The following CNTNAP2 variants were observed in gnomAD, a reference collection of about 807,000 sequenced individuals.
CNTNAP2 encodes the protein contactin-associated protein-like 2.
Under a neutral mutation model 155.2 loss-of-function variants are expected in CNTNAP2, and 98 were observed. The observed-to-expected ratio is 0.63, with a 90% CI of 0.54 to 0.75. The LOEUF is 0.75. CNTNAP2 is among the 30% of genes least tolerant of loss of function. The probability of loss-of-function intolerance (pLI) is 0.00; values close to 1 mark genes in which losing one functional copy is unlikely to be tolerated. For synonymous variants in CNTNAP2, 651 were observed against 631.2 expected (o/e 1.03, Z -0.47); for missense variants, 1,727 against 1,688.1 (o/e 1.02, Z -0.40).
chr7:148,322,343 G>A (rs1027240505), intron 21 of CNTNAP2, among the ~76,000 whole-genome samples: 2 of 152,060 alleles, frequency 1.3e-5, no homozygotes, highest in Non-Finnish European at 2.9e-5. Context: ...TCACACTCTC[G>A]TACACTCTGA....
chr7:146,284,761 C>A (rs145612118), intron 1 of CNTNAP2, among the ~76,000 whole-genome samples: 8 of 152,236 alleles, frequency 5.3e-5, no homozygotes, highest in Non-Finnish European at 1.2e-4. Context: ...GGGAACCTGA[C>A]GGGGTTTGAC....
At chr7:147,199,975 G>A (rs561391054) in intron 8 of CNTNAP2, among the ~76,000 whole-genome samples, 2 of 152,046 alleles carry the variant, frequency 1.3e-5, no homozygotes, top group South Asian at 2.1e-4. Flanking sequence ...TGCTTATGAG[G>A]GGCAAGTTCT....
intron 13 of CNTNAP2, among the ~76,000 whole-genome samples, chr7:147,804,898 C>A (rs545868523): frequency 1.3e-4 from 20 of 152,038 alleles, no homozygotes; most frequent in Non-Finnish European, 2.6e-4. Flanking sequence ...CAAGCTATGT[C>A]CACAGTTGCC....
intron 3 of CNTNAP2, among the ~76,000 whole-genome samples, chr7:146,959,324 G>A (rs557170281): frequency 8.6e-4 from 131 of 152,224 alleles, no homozygotes; most frequent in Non-Finnish European, 1.6e-3. Context: ...TTTATAACCT[G>A]TAGCGAGAAA....
intron 3 of CNTNAP2, among the ~76,000 whole-genome samples, chr7:146,919,868 G>A (rs1796466135): frequency 1.3e-5 from 2 of 152,140 alleles, no homozygotes; most frequent in African/African-American, 4.8e-5. Flanking sequence ...TGTTCCTGCA[G>A]TAGTTCTTGG....
At chr7:147,159,358 T>C (rs1801984335) in intron 8 of CNTNAP2, among the ~76,000 whole-genome samples, 1 of 152,082 alleles carries the variant, frequency 6.6e-6, no homozygotes. Context: ...TTTTAAAAGA[T>C]AATATGCATT....
chr7:147,721,250 A>G lies in CNTNAP2; in HGVS notation c.2098+81944A>G, dbSNP rs143677792. On this transcript the variant is annotated intron_variant, in intron 13 of 23. Transcript: ENST00000361727. ...GCTTGGGTTTTGGGTTTTCCTGTAT[A>G]TTTCCACTTGAGTAGTAATGTTACA... is the stretch of plus-strand genomic sequence containing the variant. Among the ~76,000 whole-genome samples the G allele has an allele frequency of 1.5e-4, 23 of 152,004 alleles. 1 individual carries two copies. The East Asian group carries it at 4.5e-3, about 30-fold the overall frequency.
intron 1 of CNTNAP2, among the ~76,000 whole-genome samples, chr7:146,758,082 T>C (rs1481960316): frequency 1.3e-5 from 2 of 152,218 alleles, no homozygotes; most frequent in Non-Finnish European, 2.9e-5. Flanking sequence ...CAGAAATCTT[T>C]AATTGTTCCC....
chr7:146,471,768 A>G (rs1796802524), intron 1 of CNTNAP2, among the ~76,000 whole-genome samples: 1 of 152,244 alleles, frequency 6.6e-6, no homozygotes, highest in Non-Finnish European at 1.5e-5. Context: ...AATTATCCAG[A>G]AAATTGACTT....
chr7:146,487,911 A>G lies in CNTNAP2; in HGVS notation c.98-286360A>G, dbSNP rs181621634. Among the ~76,000 whole-genome samples, 34 of 152,270 alleles carry G rather than the reference A, an allele frequency of 2.2e-4. 1 individual carries two copies. The East Asian group carries it at 6.6e-3, about 30-fold the overall frequency. On this transcript the variant is annotated intron_variant, in intron 1 of 23. Coordinates refer to ENST00000361727, the MANE Select transcript of CNTNAP2 (RefSeq NM_014141.6). Reference sequence around the variant, plus strand: ...GAGAGACAGAGAGAGACCCAAACCGATCTGTAAGGGACATTAAAGGTTAAT... The same window carrying G: ...GAGAGACAGAGAGAGACCCAAACCGGTCTGTAAGGGACATTAAAGGTTAAT...
intron 16 of CNTNAP2, among the ~76,000 whole-genome samples, chr7:148,124,141 G>A (rs1454139293): frequency 6.6e-6 from 1 of 152,220 alleles, no homozygotes; most frequent in Non-Finnish European, 1.5e-5. Flanking sequence ...ATGGCTGTGG[G>A]CATGAGGTAG....
In CNTNAP2 at chr7:146,774,211, C is replaced by T. The variant is rs1050499224; in HGVS notation, c.98-60C>T. 1.8e-5 allele frequency: 22 copies of T among 1,189,378 alleles called. 1 individual carries two copies. Among genetic ancestry groups the T allele is most frequent in the Non-Finnish European group, 2.6e-5 (21 of 806,830 alleles). 73.7% of individuals were successfully genotyped at this position (1,189,378 alleles called of 1,614,324 possible). On this transcript the variant is annotated intron_variant, in intron 1 of 23. Coordinates refer to ENST00000361727, the MANE Select transcript of CNTNAP2 (RefSeq NM_014141.6). ...CAATGATTTTTTAACCAACACATAC[C>T]AATCGTTATTTCGAAATCGTTGTTG...
At chr7:146,148,502 A>G (rs1005584197) in intron 1 of CNTNAP2, among the ~76,000 whole-genome samples, 1 of 152,178 alleles carries the variant, frequency 6.6e-6, no homozygotes, top group African/African-American at 2.4e-5. Flanking sequence ...TAGTAATGAA[A>G]GAGTAAACCT....
At chr7:146,529,371 T>C (rs1044003266) in intron 1 of CNTNAP2, among the ~76,000 whole-genome samples, 1 of 152,188 alleles carries the variant, frequency 6.6e-6, no homozygotes, top group Non-Finnish European at 1.5e-5. Flanking sequence ...CTTCAGTCTC[T>C]GTGTCCAGAG....
chr7:147,427,378 A>G (rs1446253611), intron 10 of CNTNAP2, among the ~76,000 whole-genome samples: 2 of 152,160 alleles, frequency 1.3e-5, no homozygotes, highest in Non-Finnish European at 2.9e-5. Context: ...GGCTTTATTG[A>G]ATATGGGTTC....
chr7:148,105,957 A>C (rs2116588674), intron 15 of CNTNAP2, among the ~76,000 whole-genome samples: 1 of 152,328 alleles, frequency 6.6e-6, no homozygotes, highest in South Asian at 2.1e-4. Context: ...CAGCAGCAGG[A>C]ACAGAACCAA....
intron 1 of CNTNAP2, among the ~76,000 whole-genome samples, chr7:146,520,232 C>A (rs985467368): frequency 1.3e-5 from 2 of 149,154 alleles, no homozygotes; most frequent in Non-Finnish European, 1.5e-5. Context: ...TACTAATTTT[C>A]ATTGTCTTTT....
At chr7:146,399,790 T>C (rs145872767) in intron 1 of CNTNAP2, among the ~76,000 whole-genome samples, 5 of 152,316 alleles carry the variant, frequency 3.3e-5, no homozygotes, top group African/African-American at 1.2e-4. Context: ...ATTAACAGTG[T>C]ACAGGGCTCC....
rs187277903 is a variant in CNTNAP2, at chr7:147,829,966, T to G, written c.2099-73599T>G. On this transcript the variant is annotated intron_variant, in intron 13 of 23. Coordinates refer to ENST00000361727, the MANE Select transcript of CNTNAP2 (RefSeq NM_014141.6). ...CTCACATCTGCTTACCCCGAGAAGG[T>G]CTCCCAGAATCCTGGAGCTGCCTTG... Among the ~76,000 whole-genome samples the G allele has an allele frequency of 3.3e-3, 498 of 151,088 alleles. 13 individuals are homozygous for G. The highest frequency in any genetic ancestry group is 6.7e-4 in the Non-Finnish European group (45 of 67,646).
Sources: allele counts gnomAD v4.1 joint callset (sites outside exome capture counted in the v4.1 genomes callset), GRCh38; gene constraint gnomAD v4.1.1; transcripts MANE v1.5; gene names NCBI Gene and HGNC (gene_info 2026-07-23, HGNC 2026-07-21).